The following KCNMB4 variants were observed in gnomAD, a reference collection of about 807,000 sequenced individuals.
KCNMB4 encodes the protein potassium calcium-activated channel subfamily M regulatory beta subunit 4.
KCNMB4 carries 3 observed loss-of-function variants against 20.7 expected under a neutral mutation model. The observed-to-expected ratio is 0.14, with a 90% confidence interval of 0.07 to 0.37. KCNMB4 has a LOEUF of 0.37. Among genes scored for constraint, KCNMB4 ranks in the 10% least tolerant of loss-of-function variants. The pLI is 1.00. For missense variants in KCNMB4, 168 were observed against 265.9 expected, an observed-to-expected ratio of 0.63 and a Z score of 2.56; for synonymous variants, 110 against 113.4, an observed-to-expected ratio of 0.97 and a Z score of 0.19.
intron 2 of KCNMB4, among the ~76,000 whole-genome samples, chr12:70,409,691 T>C (rs1318654801): frequency 6.6e-6 from 1 of 152,206 alleles, no homozygotes; most frequent in Non-Finnish European, 1.5e-5. Context: ...CAAAGACCTT[T>C]CTGTGTAAAT....
intron 2 of KCNMB4, among the ~76,000 whole-genome samples, chr12:70,426,051 T>A (rs1869203979): frequency 6.6e-6 from 1 of 151,752 alleles, no homozygotes; most frequent in Admixed American, 6.6e-5. Context: ...TCCCAGCACT[T>A]TGGGAGGCTG....
Position 70,366,658 on chromosome 12 carries a change from C to A in KCNMB4, c.-77C>A. ...CGGCGGTGGCGGCGGCGGCTCCTCCCGCCCGAGGCAGTCGGGCTCGGCGCC... is the reference window on the plus strand; with the variant it reads ...CGGCGGTGGCGGCGGCGGCTCCTCCAGCCCGAGGCAGTCGGGCTCGGCGCC... On this transcript the variant is annotated 5_prime_UTR_variant, in exon 1 of 3. Coordinates refer to ENST00000258111, the MANE Select transcript of KCNMB4 (RefSeq NM_014505.6). 1.7e-6 allele frequency: 2 copies of A among 1,150,402 alleles called. No homozygotes were observed. Among genetic ancestry groups the A allele is most frequent in the Middle Eastern group, 3.3e-4 (1 of 3,004 alleles). The allele number at this position is 1,150,402 out of a possible 1,614,324, so 71.3% of individuals were successfully genotyped here.
intron 2 of KCNMB4, among the ~76,000 whole-genome samples, chr12:70,429,296 GCTACTCTA>G (rs1869293582): frequency 2.0e-5 from 3 of 152,264 alleles, no homozygotes; most frequent in Admixed American, 2.0e-4. Context: ...AGGAAACATA[GCTACTCTA>G]GTGTAGCAGG....
At chr12:70,412,860 T>A (rs1015343582) in intron 2 of KCNMB4, among the ~76,000 whole-genome samples, 1 of 152,242 alleles carries the variant, frequency 6.6e-6, no homozygotes, top group Non-Finnish European at 1.5e-5. Flanking sequence ...CTGAGAAGTA[T>A]TTCTTACAGT....
intron 2 of KCNMB4, among the ~76,000 whole-genome samples, chr12:70,411,975 C>A (rs773548999): frequency 8.6e-5 from 13 of 152,030 alleles, no homozygotes; most frequent in Non-Finnish European, 1.8e-4. Flanking sequence ...GATCCATGAA[C>A]AATTTGGAGA....
chr12:70,398,421 T>A (rs1420837481), intron 1 of KCNMB4, among the ~76,000 whole-genome samples: 1 of 152,184 alleles, frequency 6.6e-6, no homozygotes, highest in African/African-American at 2.4e-5. Flanking sequence ...TCTCCATTGC[T>A]TCCAAACCCA....
At chr12:70,368,400 A>G (rs1011514322) in intron 1 of KCNMB4, among the ~76,000 whole-genome samples, 4 of 152,090 alleles carry the variant, frequency 2.6e-5, no homozygotes, top group African/African-American at 9.7e-5. Flanking sequence ...GCTCCTGTCG[A>G]CAAATGAATA....
intron 2 of KCNMB4, among the ~76,000 whole-genome samples, chr12:70,419,229 T>G (rs950772627): frequency 7.9e-5 from 12 of 152,232 alleles, no homozygotes; most frequent in African/African-American, 1.4e-4. Context: ...TCTGAGGATG[T>G]TTCTTTAGCA....
intron 1 of KCNMB4, among the ~76,000 whole-genome samples, chr12:70,380,545 A>G (rs1338026244): frequency 6.6e-6 from 1 of 152,134 alleles, no homozygotes; most frequent in African/African-American, 2.4e-5. Context: ...CAATAAAGCA[A>G]GCAATAAAAC....
At chr12:70,394,797 G>T (rs1868336021) in intron 1 of KCNMB4, among the ~76,000 whole-genome samples, 1 of 152,106 alleles carries the variant, frequency 6.6e-6, no homozygotes, top group South Asian at 2.1e-4. Context: ...TTTCTGAGTA[G>T]CGGTGACTAC....
At chr12:70,414,838 A>G (rs1343454629) in intron 2 of KCNMB4, among the ~76,000 whole-genome samples, 1 of 152,174 alleles carries the variant, frequency 6.6e-6, no homozygotes, top group African/African-American at 2.4e-5. Context: ...ATATGTGACT[A>G]CATCTTGTTG....
rs570693448 is a variant in KCNMB4 at position 70,409,178 on chromosome 12, G to C, written c.464+8842G>C. ...CTGGATAGTAGGTCACAGAGTACAC[G>C]GAGCAGGCTTACACAAACACACACG... On this transcript the variant is annotated intron_variant, in intron 2 of 2. Coordinates refer to ENST00000258111, the MANE Select transcript of KCNMB4 (RefSeq NM_014505.6). 4.6e-5 allele frequency among the ~76,000 whole-genome samples: 7 copies of C among 152,214 alleles called. No homozygotes were observed. In the East Asian group the frequency reaches 1.2e-3, roughly 25 times the overall value.
chr12:70,420,187 T>C (rs1253020976), intron 2 of KCNMB4, among the ~76,000 whole-genome samples: 1 of 152,210 alleles, frequency 6.6e-6, no homozygotes, highest in Non-Finnish European at 1.5e-5. Context: ...AAGGAACTGA[T>C]TACAGTATAG....
chr12:70,429,652 G>C (rs1869305452), intron 2 of KCNMB4, among the ~76,000 whole-genome samples: 2 of 135,862 alleles, frequency 1.5e-5, no homozygotes, highest in African/African-American at 5.6e-5. Context: ...AGGTGACAGA[G>C]TGAGACTCCA....
intron 2 of KCNMB4, among the ~76,000 whole-genome samples, chr12:70,419,773 C>T (rs1156769424): frequency 6.6e-6 from 1 of 151,954 alleles, no homozygotes; most frequent in East Asian, 1.9e-4. Context: ...ATTACAAAGA[C>T]AAAAAGGATA....
rs547568924 is a variant in KCNMB4 at position 70,389,910 on chromosome 12, A to G, written c.337-10299A>G. 1.7e-3 allele frequency among the ~76,000 whole-genome samples: 256 copies of G among 152,306 alleles called. 1 individual carries two copies. The highest frequency in any genetic ancestry group is 2.1e-3 in the Non-Finnish European group (145 of 68,020). The stretch of plus-strand genomic sequence containing the variant: ...CTTTCCGAGAATGGGTGAATGGGAA[A>G]TAGAATTTGTAGGCCCATGTATAGA... On this transcript the variant is annotated intron_variant, in intron 1 of 2. Coordinates refer to ENST00000258111, the MANE Select transcript of KCNMB4 (RefSeq NM_014505.6).
Position 70,366,688 on chromosome 12 carries a change from G to A in KCNMB4, c.-47G>A. 1 of 1,383,748 alleles carries A rather than the reference G, an allele frequency of 7.2e-7. No homozygotes were observed. Among genetic ancestry groups the A allele is most frequent in the Non-Finnish European group, 9.4e-7 (1 of 1,060,314 alleles). 85.7% of individuals were successfully genotyped at this position (1,383,748 alleles called of 1,614,324 possible). On this transcript the variant is annotated 5_prime_UTR_variant, in exon 1 of 3. Coordinates refer to ENST00000258111, the MANE Select transcript of KCNMB4 (RefSeq NM_014505.6). ...GAGGCAGTCGGGCTCGGCGCCGGGG[G>A]CGGGAGGGGGCGGGGGGAGCACGCC...
chr12:70,401,262 G>A (rs1391944682), intron 2 of KCNMB4, among the ~76,000 whole-genome samples: 2 of 152,214 alleles, frequency 1.3e-5, no homozygotes, highest in Non-Finnish European at 2.9e-5. Context: ...CTGACCTCAA[G>A]TGATCTGCCT....
chr12:70,388,053 C>G (rs372229101), intron 1 of KCNMB4, among the ~76,000 whole-genome samples: 5 of 152,118 alleles, frequency 3.3e-5, no homozygotes, highest in African/African-American at 1.2e-4. Flanking sequence ...TTTTAGATCT[C>G]TCAAATAAGT....
Sources: gnomAD v4.1 joint callset for allele counts (sites outside exome capture counted in the v4.1 genomes callset) on GRCh38, gnomAD v4.1.1 for gene constraint, MANE v1.5 for transcripts, NCBI Gene and HGNC (gene_info 2026-07-23, HGNC 2026-07-21) for gene names.